CDH13: variants seen among roughly 807,000 people sequenced by gnomAD.
CDH13 encodes the protein cadherin-13.
Under a neutral mutation model 63.8 loss-of-function variants are expected in CDH13, and 24 were observed. The ratio of observed to expected loss-of-function variants is 0.38; its 90% CI spans 0.27 to 0.53. The LOEUF (loss-of-function observed/expected upper bound fraction) is 0.53. Ranked by LOEUF, CDH13 falls within the 20% of genes least tolerant of loss-of-function variation. CDH13 has a pLI of 0.85. For missense variants in CDH13, 1,049 were observed against 903.1 expected, an observed-to-expected ratio of 1.16 and a Z score of -2.07; for synonymous variants, 503 against 355.3, an observed-to-expected ratio of 1.42 and a Z score of -4.67.
At chr16:83,606,927 C>T (rs952786802) in intron 8 of CDH13, among the ~76,000 whole-genome samples, 2 of 151,914 alleles carry the variant, frequency 1.3e-5, no homozygotes, top group African/African-American at 2.4e-5. Context: ...AAAGGAGAAC[C>T]GGCCACCTGA....
At chr16:83,483,964 T>C (rs1038849007) in intron 6 of CDH13, among the ~76,000 whole-genome samples, 2 of 152,212 alleles carry the variant, frequency 1.3e-5, no homozygotes, top group African/African-American at 4.8e-5. Context: ...AAGAATGTTC[T>C]TTTCTGAAGC....
At chr16:82,789,906 C>T (rs571623354) in intron 1 of CDH13, among the ~76,000 whole-genome samples, 1 of 152,254 alleles carries the variant, frequency 6.6e-6, no homozygotes, top group South Asian at 2.1e-4. Context: ...GAGGAAGAAT[C>T]AGGGTGGTGA....
intron 3 of CDH13, among the ~76,000 whole-genome samples, chr16:83,094,727 C>G (rs1198143163): frequency 6.6e-6 from 1 of 152,196 alleles, no homozygotes; most frequent in African/African-American, 2.4e-5. Flanking sequence ...CATTTCATAA[C>G]CAGTAACAAC....
chr16:82,756,207 C>CA (rs2034605551), intron 1 of CDH13, among the ~76,000 whole-genome samples: 1 of 151,878 alleles, frequency 6.6e-6, no homozygotes, highest in African/African-American at 2.4e-5. Flanking sequence ...CTTGGCTAAG[C>CA]AAAAAACTAC....
At position 83,040,876 on chromosome 16, in the gene CDH13, C is replaced by T. The variant is rs143337033; in HGVS notation, c.366+8658C>T. Reference sequence around the variant, plus strand: ...CTATGATAAATGTTCAGCTAATGAACGAGGCAAACTGAGGTGACCCAGTCC... The same window carrying T: ...CTATGATAAATGTTCAGCTAATGAATGAGGCAAACTGAGGTGACCCAGTCC... On this transcript the variant is annotated intron_variant, in intron 3 of 13. Transcript: ENST00000567109. 7.6e-3 allele frequency among the ~76,000 whole-genome samples: 1,156 copies of T among 152,240 alleles called. 13 individuals carry two copies. The highest frequency in any genetic ancestry group is 0.026 in the African/African-American group (1,089 of 41,538).
At chr16:82,686,195 G>A (rs764046343) in intron 1 of CDH13, among the ~76,000 whole-genome samples, 16 of 152,206 alleles carry the variant, frequency 1.1e-4, no homozygotes, top group Non-Finnish European at 2.4e-4. Flanking sequence ...GGTCTGGAGA[G>A]AGTGATCATA....
At chr16:83,026,856 C>A (rs527800199) in intron 2 of CDH13, among the ~76,000 whole-genome samples, 3 of 152,224 alleles carry the variant, frequency 2.0e-5, no homozygotes, top group Admixed American at 6.5e-5. Context: ...TTACTGGCAT[C>A]TTTGGGACAG....
rs111970067 is a variant in CDH13 at position 83,013,904 on chromosome 16, T to C, written c.158-18106T>C. Among the ~76,000 whole-genome samples the C allele has an allele frequency of 5.2e-3, 794 of 152,186 alleles. 8 individuals carry two copies. Among genetic ancestry groups the C allele is most frequent in the African/African-American group, 0.018 (733 of 41,520 alleles). Reference sequence around the variant, plus strand: ...TTTGCCCTGAGTTTCCTGTTGGAAATTGGGACTCTGGTAAGCAGCTGTGTG... The same window carrying C: ...TTTGCCCTGAGTTTCCTGTTGGAAACTGGGACTCTGGTAAGCAGCTGTGTG... On this transcript the variant is annotated intron_variant, in intron 2 of 13. Coordinates refer to ENST00000567109, the MANE Select transcript of CDH13 (RefSeq NM_001257.5).
chr16:83,359,517 A>G (rs2091121772), intron 6 of CDH13, among the ~76,000 whole-genome samples: 1 of 152,168 alleles, frequency 6.6e-6, no homozygotes, highest in African/African-American at 2.4e-5. Context: ...ATGGAGCTGA[A>G]TTCTAGTCCT....
At chr16:83,419,477 C>T (rs968036529) in intron 6 of CDH13, among the ~76,000 whole-genome samples, 1 of 152,220 alleles carries the variant, frequency 6.6e-6, no homozygotes, top group African/African-American at 2.4e-5. Flanking sequence ...TCTACTTTTA[C>T]ATCCTTAGAT....
intron 5 of CDH13, 21 bp downstream of exon 5, chr16:83,217,518 C>T (rs1567515139): frequency 1.2e-6 from 2 of 1,606,160 alleles, no homozygotes; most frequent in Non-Finnish European, 1.7e-6. Flanking sequence ...CTCTCCCATG[C>T]CCACCCTGTG....
chr16:82,816,757 TA>T (rs1406396275), intron 1 of CDH13, among the ~76,000 whole-genome samples: 3 of 138,328 alleles, frequency 2.2e-5, no homozygotes, highest in African/African-American at 8.2e-5. Flanking sequence ...TTAGATGTTT[TA>T]TCATCACCGT....
chr16:83,144,864 A>G (rs1041411640), intron 4 of CDH13, among the ~76,000 whole-genome samples: 2 of 152,164 alleles, frequency 1.3e-5, no homozygotes, highest in African/African-American at 4.8e-5. Context: ...TTCTCTCCTA[A>G]CAGACAGCAG....
intron 1 of CDH13, among the ~76,000 whole-genome samples, chr16:82,652,399 G>A (rs137871432): frequency 2.6e-5 from 4 of 152,276 alleles, no homozygotes; most frequent in East Asian, 1.9e-4. Flanking sequence ...ACGACCTCTC[G>A]TTATATATCT....
At chr16:83,453,109 G>A (rs1230977789) in intron 6 of CDH13, among the ~76,000 whole-genome samples, 2 of 152,206 alleles carry the variant, frequency 1.3e-5, no homozygotes, top group Non-Finnish European at 2.9e-5. Context: ...TCCAAGTGAA[G>A]TAACTGGGGA....
intron 8 of CDH13, among the ~76,000 whole-genome samples, chr16:83,630,973 G>T (rs968600969): frequency 1.4e-4 from 22 of 152,288 alleles, no homozygotes; most frequent in African/African-American, 5.3e-4. Flanking sequence ...TATATGGCAA[G>T]CACAGTGCCT....
chr16:82,756,115 A>G (rs561399698), intron 1 of CDH13, among the ~76,000 whole-genome samples: 29 of 152,350 alleles, frequency 1.9e-4, no homozygotes, highest in Middle Eastern at 3.4e-3. Flanking sequence ...TGTAAACTCT[A>G]TCATGGAAAG....
intron 5 of CDH13, among the ~76,000 whole-genome samples, chr16:83,240,592 A>G (rs1904328890): frequency 1.3e-5 from 2 of 149,848 alleles, no homozygotes; most frequent in Admixed American, 1.3e-4. Context: ...TTGCTACTGG[A>G]TTAGGTGCAG....
intron 10 of CDH13, among the ~76,000 whole-genome samples, chr16:83,707,293 A>C (rs914963400): frequency 6.6e-6 from 1 of 152,156 alleles, no homozygotes; most frequent in Non-Finnish European, 1.5e-5. Flanking sequence ...AGTAGGAAGT[A>C]ATCTCTTTCT....
Sources: allele counts gnomAD v4.1 joint callset (sites outside exome capture counted in the v4.1 genomes callset), GRCh38; gene constraint gnomAD v4.1.1; transcripts MANE v1.5; gene names NCBI Gene and HGNC (gene_info 2026-07-23, HGNC 2026-07-21).